KIF26A: variants seen among roughly 807,000 people sequenced by gnomAD.
KIF26A encodes the protein kinesin family member 26A.
A neutral mutation model predicts 126.0 loss-of-function variants in KIF26A; 74 were observed. The ratio of observed to expected loss-of-function variants is 0.59; its 90% confidence interval spans 0.49 to 0.71. KIF26A has a LOEUF of 0.71. KIF26A is among the 30% of genes least tolerant of loss of function. The probability of loss-of-function intolerance (pLI) is 0.00; values close to 1 mark genes in which losing one functional copy is unlikely to be tolerated. For missense variants in KIF26A, 2,984 were observed against 2,763.3 expected, an observed-to-expected ratio of 1.08 and a Z score of -1.79; for synonymous variants, 1,445 against 1,232.7, an observed-to-expected ratio of 1.17 and a Z score of -3.61.
intron 5 of KIF26A, 132 bp from the exon 6 acceptor site, chr14:104,171,591 A>T: frequency 1.4e-6 from 1 of 730,192 alleles, no homozygotes; most frequent in South Asian, 1.7e-5. Flanking sequence ...CGCGGTGTCC[A>T]CATTCCTGCG....
chr14:104,175,237 A>G lies in KIF26A; in HGVS notation c.2449A>G (p.Ile817Val), dbSNP rs542697509. ...DNEGPPDFVP[I>V]IPALSRHRPS... is the part of the protein sequence containing the mutation. Reference sequence around the variant, plus strand: ...CGAAGGTCCGCCTGACTTCGTGCCCATCATCCCTGCCCTGAGCCGCCACCG... The same window carrying G: ...CGAAGGTCCGCCTGACTTCGTGCCCGTCATCCCTGCCCTGAGCCGCCACCG... The change falls in exon 12 of 15, where the codon ATC becomes GTC. Residue 817 changes from isoleucine to valine, a missense_variant. By Grantham distance (29) the Ile-to-Val change is conservative (BLOSUM62 3). Transcript: ENST00000423312. 26 of 1,609,070 alleles carry G rather than the reference A, an allele frequency of 1.6e-5. No individual in the cohort carries two copies. Among genetic ancestry groups the G allele is most frequent in the South Asian group, 1.2e-4 (11 of 90,896 alleles).
At chr14:104,164,895 C>T (rs568970789) in intron 4 of KIF26A, among the ~76,000 whole-genome samples, 10 of 151,190 alleles carry the variant, frequency 6.6e-5, no homozygotes, top group Non-Finnish European at 1.5e-4. Flanking sequence ...ATATGTGTCT[C>T]TGTGTCTTTA....
chr14:104,156,719 C>G (rs535758472), intron 3 of KIF26A, among the ~76,000 whole-genome samples: 2 of 152,148 alleles, frequency 1.3e-5, no homozygotes, highest in East Asian at 3.9e-4. Context: ...GGTCCCGGGG[C>G]GGCTTGTTCT....
rs2037987326 is a variant in KIF26A at position 104,173,868 on chromosome 14, G to A, written c.2030G>A (p.Arg677Gln). 4 of 1,588,222 alleles carry A rather than the reference G, an allele frequency of 2.5e-6. No individual in the cohort carries two copies. The highest frequency in any genetic ancestry group is 1.1e-5 in the South Asian group (1 of 89,694). The part of the protein sequence containing the change: ...LVNGAKHVPY[R>Q]DHRLTMLLRE... ...AACGGAGCCAAGCATGTGCCGTATC[G>A]GTGAGTGTAGGGCCTGGGCAGGTGC... Residue 677 changes from arginine to glutamine, a missense_variant and splice_region_variant, in exon 10 of 15, where the codon CGG becomes CAG. Transcript: ENST00000423312.
chr14:104,151,623 G>T lies in KIF26A; in HGVS notation c.289-392G>T, dbSNP rs2037730142. 6.6e-6 allele frequency among the ~76,000 whole-genome samples: 1 copy of T among 152,218 alleles called. No individual in the cohort carries two copies. Among genetic ancestry groups the T allele is most frequent in the African/African-American group, 2.4e-5 (1 of 41,448 alleles). On this transcript the variant is annotated intron_variant, in intron 2 of 14. Transcript: ENST00000423312. This position sits in a 1 kb window ranked among gnomAD's most constrained non-coding sequence, Gnocchi z 4.9. ...CCTTGAGTGAGTGTGGGTGAGGGAGGCCCTCGTGGCTCTGAAGAGACGTTG... is the reference window on the plus strand; with the variant it reads ...CCTTGAGTGAGTGTGGGTGAGGGAGTCCCTCGTGGCTCTGAAGAGACGTTG...
Position 104,176,626 on chromosome 14 carries a change from G to A in KIF26A, c.3838G>A (p.Ala1280Thr), listed in dbSNP as rs774066224. 4 of 1,608,188 alleles carry A rather than the reference G, an allele frequency of 2.5e-6. No individual in the cohort carries two copies. The highest frequency in any genetic ancestry group is 4.5e-5 in the East Asian group (2 of 44,824). Residue 1280 changes from alanine (A) to threonine (T), a missense_variant, in exon 12 of 15, where the codon GCC (alanine) becomes ACC (threonine). By Grantham distance (58) the Ala-to-Thr change is moderately conservative. Transcript: ENST00000423312. ...TGAGGCCCAGGTGATGCTAGCCTGTGCCCAGAGAGTGGTGGACGGGTGTGA... is the reference window on the plus strand; with the variant it reads ...TGAGGCCCAGGTGATGCTAGCCTGTACCCAGAGAGTGGTGGACGGGTGTGA... Reference protein sequence around the residue: ...LPEAQVMLACAQRVVDGCEVA... With the variant: ...LPEAQVMLACTQRVVDGCEVA...
At chr14:104,165,689 CTG>C (rs1394878090) in intron 4 of KIF26A, among the ~76,000 whole-genome samples, 3 of 146,112 alleles carry the variant, frequency 2.1e-5, no homozygotes, top group South Asian at 4.3e-4. Flanking sequence ...ATATGTGTGA[CTG>C]TGTGTCTCTG....
intron 11 of KIF26A, 132 bp from the exon 12 acceptor site, chr14:104,174,850 A>C (rs1224174893): frequency 1.1e-6 from 1 of 927,110 alleles, no homozygotes. Context: ...GTTTGGTGGG[A>C]CATGGTTGGT....
chr14:104,149,990 G>A (rs1172178490), intron 2 of KIF26A, among the ~76,000 whole-genome samples: 1 of 152,186 alleles, frequency 6.6e-6, no homozygotes, highest in Non-Finnish European at 1.5e-5. Context: ...CTGGAAAACA[G>A]GCCCTGTCTG....
At chr14:104,150,049 G>C (rs966387510) in intron 2 of KIF26A, among the ~76,000 whole-genome samples, 1 of 152,108 alleles carries the variant, frequency 6.6e-6, no homozygotes, top group South Asian at 2.1e-4. Flanking sequence ...GTAGACCTGT[G>C]TGCCCACTGG....
rs2038063707 is a variant in KIF26A, at chr14:104,178,629, G to T, written c.5190G>T (p.Gln1730His). The change falls in exon 13 of 15, where the codon CAG (glutamine) becomes CAT (histidine). Residue 1730 changes from glutamine (Q) to histidine (H), a missense_variant. By Grantham distance (24) the Gln-to-His change is conservative. Coordinates refer to ENST00000423312, the MANE Select transcript of KIF26A (RefSeq NM_015656.2). ...ALGRKPSLPG[Q>H]WVDLPPPLAG... ...GCCGTAAGCCCAGCCTCCCCGGGCA[G>T]TGGGTGGACCTGCCCCCGCCCCTGG... is the stretch of plus-strand genomic sequence containing the variant. The T allele has an allele frequency of 6.5e-7, 1 of 1,550,114 alleles. No homozygotes were observed. Among genetic ancestry groups the T allele is most frequent in the Non-Finnish European group, 8.7e-7 (1 of 1,147,458 alleles).
At chr14:104,178,862 G>A (rs1459565781) in intron 13 of KIF26A, 107 bp downstream of exon 13, 4 of 676,106 alleles carry the variant, frequency 5.9e-6, no homozygotes, top group South Asian at 4.0e-5. Context: ...GGTGTGGCTG[G>A]GCAGCCCCTG....
At position 104,168,753 on chromosome 14, in the gene KIF26A, C is replaced by T. The variant is rs963092866; in HGVS notation, c.1113+1705C>T. Among the ~76,000 whole-genome samples, 7 of 152,310 alleles carry T rather than the reference C, an allele frequency of 4.6e-5. No homozygotes were observed. In the South Asian group the frequency reaches 1.0e-3, roughly 23 times the overall value. The stretch of plus-strand genomic sequence containing the variant: ...ATCTGGCATCTCTGTCCTCCGGAGG[C>T]GACATTCTGCATCCAAGGCCCGGGG... On this transcript the variant is annotated intron_variant, in intron 5 of 14. Coordinates refer to ENST00000423312, the MANE Select transcript of KIF26A (RefSeq NM_015656.2).
At position 104,179,801 on chromosome 14, in the gene KIF26A, C is replaced by T. The variant is rs764588748; in HGVS notation, c.*11C>T. On this transcript the variant is annotated 3_prime_UTR_variant, in exon 15 of 15. Transcript: ENST00000423312. ...GAGGTGGACGTCTGAGGCTGGGCGC[C>T]GGACAAGAGGAGGGGGCGTGCAGCG... 46 of 1,514,798 alleles carry T rather than the reference C, an allele frequency of 3.0e-5. No individual in the cohort carries two copies. The highest frequency in any genetic ancestry group is 4.1e-5 in the African/African-American group (3 of 72,658). 93.8% of individuals were successfully genotyped at this position (1,514,798 alleles called of 1,614,324 possible).
In KIF26A at chr14:104,177,521, G is replaced by A. The variant is rs541791349; in HGVS notation, c.4733G>A (p.Arg1578Gln). ...CTGTCAGCCAGTGGAGCCCCGGGCC[G>A]AGGTGGCTCCTCGTGGGGCTCGGCG... Reference protein sequence around the residue: ...HELSASGAPGRGGSSWGSADS... With the variant: ...HELSASGAPGQGGSSWGSADS... Residue 1578 changes from arginine to glutamine, a missense_variant, in exon 12 of 15, where the codon CGA becomes CAA. Coordinates refer to ENST00000423312, the MANE Select transcript of KIF26A (RefSeq NM_015656.2). The A allele has an allele frequency of 3.9e-4, 596 of 1,536,258 alleles. 3 individuals carry two copies. The African/African-American group carries it at 6.6e-3, about 17-fold the overall frequency.
chr14:104,172,106 C>A (rs117673939), intron 6 of KIF26A, among the ~76,000 whole-genome samples, 171 bp downstream of exon 6: 6,628 of 152,352 alleles, frequency 0.044, 184 homozygotes, highest in Non-Finnish European at 0.063. Context: ...TCCTGGCCAG[C>A]GTCCTTGGGT....
intron 5 of KIF26A, among the ~76,000 whole-genome samples, chr14:104,168,226 C>G (rs1021363615): frequency 3.3e-5 from 5 of 152,174 alleles, no homozygotes; most frequent in Admixed American, 1.3e-4. Flanking sequence ...ATGCTGGCTA[C>G]GGGGAAGGGC....
chr14:104,173,858 G>T lies in KIF26A; in HGVS notation c.2020G>T (p.Val674Leu). ...GGCCCTGGTCAACGGAGCCAAGCAT[G>T]TGCCGTATCGGTGAGTGTAGGGCCT... ...ILALVNGAKH[V>L]PYRDHRLTML... The change falls in exon 10 of 15, where the codon GTG (valine) becomes TTG (leucine). Residue 674 changes from valine (V) to leucine (L), a missense_variant. Val to Leu is a conservative substitution (Grantham distance 32). Coordinates refer to ENST00000423312, the MANE Select transcript of KIF26A (RefSeq NM_015656.2). The T allele has an allele frequency of 6.3e-7, 1 of 1,593,350 alleles. No homozygotes were observed. Among genetic ancestry groups the T allele is most frequent in the Non-Finnish European group, 8.5e-7 (1 of 1,175,364 alleles).
chr14:104,178,546 C>T lies in KIF26A; in HGVS notation c.5111-4C>T, dbSNP rs772204878. 1.1e-5 allele frequency: 16 copies of T among 1,457,742 alleles called. No homozygotes were observed. In the African/African-American group the frequency reaches 1.9e-4, roughly 17 times the overall value. 90.3% of individuals were successfully genotyped at this position (1,457,742 alleles called of 1,614,324 possible). A position where few individuals can be genotyped will look rare whatever the true frequency, so the allele number is the denominator to read the frequency against. On this transcript the variant is annotated splice_region_variant and splice_polypyrimidine_tract_variant and intron_variant, in intron 12 of 14. Coordinates refer to ENST00000423312, the MANE Select transcript of KIF26A (RefSeq NM_015656.2). ...TTCACCCTGTGCCCGGCTCTCCGTT[C>T]CAGGTCTGCAGCGGCGGCGCCTGAT...
Sources: allele counts gnomAD v4.1 joint callset (sites outside exome capture counted in the v4.1 genomes callset), GRCh38; gene constraint gnomAD v4.1.1; non-coding constraint Gnocchi (gnomAD v3.1); transcripts MANE v1.5; gene names NCBI Gene and HGNC (gene_info 2026-07-23, HGNC 2026-07-21).